DLGAP1: variants seen among roughly 807,000 people sequenced by gnomAD.
DLGAP1 encodes disks large-associated protein 1.
In DLGAP1, 11 loss-of-function variants were observed where a neutral mutation model predicts 90.8. The observed-to-expected ratio is 0.12, with a 90% CI of 0.08 to 0.20. The LOEUF is 0.20. Among genes scored for constraint, DLGAP1 ranks in the 10% least tolerant of loss-of-function variants. The pLI, the probability that DLGAP1 is intolerant of heterozygous loss-of-function variation, is 1.00. For missense variants in DLGAP1, 1,050 were observed against 1,333.8 expected (o/e 0.79, Z 3.31); for synonymous variants, 558 against 540.7 (o/e 1.03, Z -0.44).
chr18:4,190,665 C>T (rs533137481), intron 1 of DLGAP1, among the ~76,000 whole-genome samples: 3 of 152,170 alleles, frequency 2.0e-5, no homozygotes, highest in Non-Finnish European at 4.4e-5. Context: ...TACAACTTTT[C>T]TGTAAATCTA....
At chr18:3,865,857 A>G (rs984402474) in intron 4 of DLGAP1, among the ~76,000 whole-genome samples, 1 of 152,228 alleles carries the variant, frequency 6.6e-6, no homozygotes, top group African/African-American at 2.4e-5. Context: ...CCTTCTTAGT[A>G]AGTTAAAGTT....
intron 1 of DLGAP1, among the ~76,000 whole-genome samples, chr18:4,289,803 T>C (rs1282530371): frequency 6.6e-6 from 1 of 152,172 alleles, no homozygotes; most frequent in Non-Finnish European, 1.5e-5. Context: ...ATTCCTGAAC[T>C]TAGAAACAAT....
At chr18:3,631,640 G>A (rs906412225) in intron 7 of DLGAP1, among the ~76,000 whole-genome samples, 2 of 151,884 alleles carry the variant, frequency 1.3e-5, no homozygotes, top group Non-Finnish European at 1.5e-5. Context: ...CCAGCTACTC[G>A]AGAGGCTGAG....
At chr18:4,313,957 T>G (rs1293237267) in intron 1 of DLGAP1, among the ~76,000 whole-genome samples, 1 of 152,174 alleles carries the variant, frequency 6.6e-6, no homozygotes, top group Non-Finnish European at 1.5e-5. Context: ...GAACTATCCT[T>G]CTTTGCCATG....
At chr18:3,761,798 A>C (rs1598630035) in intron 5 of DLGAP1, among the ~76,000 whole-genome samples, 1 of 151,330 alleles carries the variant, frequency 6.6e-6, no homozygotes, top group African/African-American at 2.4e-5. Flanking sequence ...CTGGTCCCAA[A>C]CTCCTGACCC....
In DLGAP1 at chr18:3,720,888, C is replaced by CCAAAAAAAAAAAAAAAAAAAAAA. The variant is rs1441095000; in HGVS notation, c.1591+8246_1591+8247insTTTTTTTTTTTTTTTTTTTTTTG. On this transcript the variant is annotated intron_variant, in intron 7 of 12. Transcript: ENST00000315677. ...GCAACATACTAAGACCTTGTCTCTA[C>CCAAAAAAAAAAAAAAAAAAAAAA]AAAAAAAAAAAAAAAAAAAAATTAG... Among the ~76,000 whole-genome samples, 201 of 50,284 alleles carry CCAAAAAAAAAAAAAAAAAAAAAA rather than the reference C, an allele frequency of 4.0e-3. 31 individuals are homozygous for CCAAAAAAAAAAAAAAAAAAAAAA. Among genetic ancestry groups the CCAAAAAAAAAAAAAAAAAAAAAA allele is most frequent in the African/African-American group, 0.015 (189 of 12,468 alleles). 33.0% of individuals were successfully genotyped at this position (50,284 alleles called of 152,430 possible).
At chr18:3,680,737 C>G (rs1327595334) in intron 7 of DLGAP1, among the ~76,000 whole-genome samples, 1 of 140,980 alleles carries the variant, frequency 7.1e-6, no homozygotes, top group Non-Finnish European at 1.5e-5. Context: ...TGCAGTAAGC[C>G]GAGATCGCGC....
intron 1 of DLGAP1, among the ~76,000 whole-genome samples, chr18:4,282,892 ACTGT>A (rs1372752504): frequency 2.6e-5 from 4 of 152,102 alleles, no homozygotes; most frequent in Non-Finnish European, 4.4e-5. Context: ...ACTGTAATAA[ACTGT>A]CTGGACTGTT....
At chr18:4,364,987 G>C (rs1368364359) in intron 1 of DLGAP1, among the ~76,000 whole-genome samples, 1 of 152,030 alleles carries the variant, frequency 6.6e-6, no homozygotes, top group Non-Finnish European at 1.5e-5. Context: ...TCTTAGTCTT[G>C]ATTTCTCATT....
rs114200175 is a variant in DLGAP1, at chr18:3,499,795, C to T, written c.2725-401G>A. Among the ~76,000 whole-genome samples the T allele has an allele frequency of 8.1e-3, 1,229 of 152,194 alleles. 22 individuals are homozygous for T. The highest frequency in any genetic ancestry group is 0.028 in the African/African-American group (1,158 of 41,514). On this transcript the variant is annotated intron_variant, in intron 12 of 12. Coordinates refer to ENST00000315677, the MANE Select transcript of DLGAP1 (RefSeq NM_004746.4). This position sits in a 1 kb window ranked among gnomAD's most constrained non-coding sequence, Gnocchi z 6.4. ...GCAGCATCTTAGAACCCCTGCATCC[C>T]CTCTAAGGATGCAAGTCACCGGGTG...
intron 1 of DLGAP1, among the ~76,000 whole-genome samples, chr18:4,394,420 G>C (rs2082399120): frequency 6.6e-6 from 1 of 152,134 alleles, no homozygotes; most frequent in African/African-American, 2.4e-5. Flanking sequence ...CATTTTGAAA[G>C]AACTTACTTC....
At chr18:4,051,272 C>A (rs542317042) in intron 2 of DLGAP1, among the ~76,000 whole-genome samples, 1 of 152,266 alleles carries the variant, frequency 6.6e-6, no homozygotes, top group Admixed American at 6.5e-5. Flanking sequence ...TGTTCTCCTG[C>A]TGCTAATAAA....
intron 2 of DLGAP1, among the ~76,000 whole-genome samples, chr18:4,048,271 T>A (rs1673970814): frequency 6.6e-6 from 1 of 152,224 alleles, no homozygotes; most frequent in African/African-American, 2.4e-5. Flanking sequence ...TTTGAAGAAA[T>A]GTAATTGCTC....
rs78573002 is a variant in DLGAP1, at chr18:4,006,497, G to A, written c.-158-1296C>T. On this transcript the variant is annotated intron_variant, in intron 2 of 12. Transcript: ENST00000315677. ...TGTTTGTTTCTTGATAAGAACAGAG[G>A]TCACTCTAAGAGTGCTCCAGCTGTT... is the stretch of plus-strand genomic sequence containing the variant. 9.0e-3 allele frequency among the ~76,000 whole-genome samples: 1,360 copies of A among 150,502 alleles called. 54 individuals are homozygous for A. In the East Asian group the frequency reaches 0.11, roughly 12 times the overall value.
At chr18:4,431,879 T>C (rs1008563183) in intron 1 of DLGAP1, among the ~76,000 whole-genome samples, 1 of 152,236 alleles carries the variant, frequency 6.6e-6, no homozygotes, top group African/African-American at 2.4e-5. Flanking sequence ...TTCTTCGAGA[T>C]AACTTGTTGA....
intron 3 of DLGAP1, among the ~76,000 whole-genome samples, chr18:3,999,783 A>G (rs1163248726): frequency 6.6e-6 from 1 of 152,076 alleles, no homozygotes; most frequent in South Asian, 2.1e-4. Context: ...GCTTGTGCGC[A>G]TGTGTTCTCT....
intron 1 of DLGAP1, among the ~76,000 whole-genome samples, chr18:4,221,773 C>G (rs1598651950): frequency 6.6e-6 from 1 of 152,116 alleles, no homozygotes; most frequent in East Asian, 1.9e-4. Context: ...TCCATTTTCT[C>G]CCTCCCCATT....
intron 3 of DLGAP1, among the ~76,000 whole-genome samples, chr18:3,920,315 T>C (rs1215375025): frequency 7.4e-6 from 1 of 135,528 alleles, no homozygotes; most frequent in Non-Finnish European, 1.5e-5. Flanking sequence ...ATTGCGGCAC[T>C]ATACTTCTGC....
chr18:4,090,600 G>C (rs573437322), intron 2 of DLGAP1, among the ~76,000 whole-genome samples: 1 of 152,156 alleles, frequency 6.6e-6, no homozygotes, highest in East Asian at 1.9e-4. Flanking sequence ...AACAATAGAC[G>C]CTGGCAAAGC....
Sources: allele counts gnomAD v4.1 joint callset (sites outside exome capture counted in the v4.1 genomes callset), GRCh38; gene constraint gnomAD v4.1.1; non-coding constraint Gnocchi (gnomAD v3.1); transcripts MANE v1.5; gene names NCBI Gene and HGNC (gene_info 2026-07-23, HGNC 2026-07-21).